METTL15: variants seen among roughly 807,000 people sequenced by gnomAD.
The protein encoded by METTL15 is methyltransferase 15, mitochondrial 12S rRNA N4-cytidine, also known as 12S rRNA N(4)-cytidine methyltransferase METTL15.
Under a neutral mutation model 38.3 loss-of-function variants are expected in METTL15, and 34 were observed. That is an observed-to-expected ratio of 0.89 (90% CI 0.68 to 1.18). The LOEUF is 1.18. Among genes scored for constraint, METTL15 ranks in the 50% most tolerant of loss-of-function variants. The pLI is 0.00. For synonymous variants in METTL15, 162 were observed against 170.9 expected, an observed-to-expected ratio of 0.95 and a Z score of 0.41; for missense variants, 438 against 498.4, an observed-to-expected ratio of 0.88 and a Z score of 1.15.
intron 4 of METTL15, among the ~76,000 whole-genome samples, chr11:28,267,280 T>C (rs1243607127): frequency 2.0e-5 from 3 of 152,092 alleles, no homozygotes; most frequent in Non-Finnish European, 4.4e-5. Flanking sequence ...GGCTTCCTTG[T>C]TCATCTCCTC....
intron 6 of METTL15, among the ~76,000 whole-genome samples, chr11:28,426,337 A>C (rs1850863749): frequency 6.6e-6 from 1 of 152,134 alleles, no homozygotes; most frequent in South Asian, 2.1e-4. Flanking sequence ...CATCCAGTCT[A>C]TCATTGATGG....
chr11:28,462,745 T>C (rs189109664), intron 6 of METTL15, among the ~76,000 whole-genome samples: 26 of 152,156 alleles, frequency 1.7e-4, no homozygotes, highest in Non-Finnish European at 3.7e-4. Context: ...ACAAAATCCC[T>C]TGATAGAGAC....
In METTL15 at chr11:28,358,588, T is replaced by C. The variant is rs1282909186; in HGVS notation, c.*259-3349T>C. ...TTGAAACCTTCCTATTGCTCTTTGC[T>C]ACCGCCTCCCCTGAACTCCCTTAAT... is the stretch of plus-strand genomic sequence containing the variant. On this transcript the variant is annotated intron_variant and NMD_transcript_variant, in intron 4 of 7. Coordinates refer to the METTL15 transcript ENST00000532947. 2.0e-5 allele frequency among the ~76,000 whole-genome samples: 3 copies of C among 152,194 alleles called. No homozygotes were observed. In the East Asian group the frequency reaches 5.8e-4, roughly 29 times the overall value.
chr11:28,320,853 C>T (rs1401254498), intron 6 of METTL15, among the ~76,000 whole-genome samples: 2 of 151,926 alleles, frequency 1.3e-5, no homozygotes, highest in Admixed American at 6.6e-5. Context: ...CAATTTTTTT[C>T]ATACTTAAGT....
intron 6 of METTL15, among the ~76,000 whole-genome samples, chr11:28,471,479 A>C (rs906004816): frequency 2.6e-5 from 4 of 152,086 alleles, no homozygotes; most frequent in African/African-American, 9.7e-5. Context: ...ATAACTCATC[A>C]TTACTCTGAG....
intron 6 of METTL15, among the ~76,000 whole-genome samples, chr11:28,433,860 A>G (rs141260490): frequency 7.9e-4 from 121 of 152,274 alleles, no homozygotes; most frequent in African/African-American, 2.8e-3. Flanking sequence ...TTCTTCTCCA[A>G]TACCACTGAG....
chr11:28,173,379 G>C (rs559490786), intron 3 of METTL15, among the ~76,000 whole-genome samples: 5 of 152,130 alleles, frequency 3.3e-5, no homozygotes, highest in African/African-American at 1.2e-4. Flanking sequence ...CAGCAAGAAG[G>C]CACCATCTGT....
intron 4 of METTL15, among the ~76,000 whole-genome samples, chr11:28,277,178 C>G (rs1004717907): frequency 1.3e-5 from 2 of 152,114 alleles, no homozygotes; most frequent in African/African-American, 4.8e-5. Flanking sequence ...AAGGAGATTT[C>G]TTCAAAAACT....
chr11:28,255,806 C>T (rs536642282), intron 4 of METTL15, among the ~76,000 whole-genome samples: 7 of 152,152 alleles, frequency 4.6e-5, no homozygotes, highest in African/African-American at 7.2e-5. Context: ...CAGGTTCAAG[C>T]GATTCTCCTG....
At chr11:28,165,623 A>C (rs558790478) in intron 3 of METTL15, among the ~76,000 whole-genome samples, 1 of 152,020 alleles carries the variant, frequency 6.6e-6, no homozygotes, top group Non-Finnish European at 1.5e-5. Flanking sequence ...CTTTACAACT[A>C]ATTATTTCCT....
At chr11:28,201,224 C>T (rs1288383339) in intron 3 of METTL15, among the ~76,000 whole-genome samples, 2 of 152,104 alleles carry the variant, frequency 1.3e-5, no homozygotes, top group African/African-American at 2.4e-5. Context: ...ACCAGCCTTA[C>T]ATCCCAGGGA....
intron 6 of METTL15, among the ~76,000 whole-genome samples, chr11:28,308,752 A>C (rs923558063): frequency 2.0e-5 from 3 of 152,028 alleles, no homozygotes; most frequent in African/African-American, 7.2e-5. Context: ...AGTTTCCCCA[A>C]ATCTCCAGGG....
At chr11:28,256,372 A>C (rs1854970886) in intron 4 of METTL15, among the ~76,000 whole-genome samples, 1 of 152,174 alleles carries the variant, frequency 6.6e-6, no homozygotes, top group South Asian at 2.1e-4. Context: ...TTATGGCTTC[A>C]ATCTCATTAC....
intron 4 of METTL15, among the ~76,000 whole-genome samples, chr11:28,232,369 A>T (rs1853722432): frequency 6.6e-6 from 1 of 151,852 alleles, no homozygotes. Context: ...CTAGAAAAAG[A>T]TGCTTAGATA....
intron 6 of METTL15, among the ~76,000 whole-genome samples, chr11:28,491,653 A>G (rs974523846): frequency 1.3e-5 from 2 of 152,100 alleles, no homozygotes; most frequent in Admixed American, 6.6e-5. Flanking sequence ...CCATGGGTAA[A>G]ACATCTCCAA....
chr11:28,265,792 C>T (rs182610110), intron 4 of METTL15, among the ~76,000 whole-genome samples: 150 of 152,282 alleles, frequency 9.9e-4, no homozygotes, highest in African/African-American at 3.3e-3. Context: ...TTGATAGATA[C>T]TGGATGTCTA....
chr11:28,482,792 G>A (rs1851406229), intron 6 of METTL15, among the ~76,000 whole-genome samples: 1 of 152,120 alleles, frequency 6.6e-6, no homozygotes, highest in Non-Finnish European at 1.5e-5. Context: ...ATGAAACCCA[G>A]GAATCTGCTG....
intron 3 of METTL15, among the ~76,000 whole-genome samples, chr11:28,338,692 T>C (rs1465161104): frequency 2.0e-5 from 3 of 152,178 alleles, no homozygotes; most frequent in Non-Finnish European, 4.4e-5. Context: ...GTTTGGAGTC[T>C]TCCTAGATTT....
intron 6 of METTL15, among the ~76,000 whole-genome samples, chr11:28,496,693 C>A (rs1348224564): frequency 2.6e-5 from 4 of 152,074 alleles, no homozygotes; most frequent in Non-Finnish European, 5.9e-5. Context: ...TAAACGAAAC[C>A]CAATAGACTC....
Sources: allele counts gnomAD v4.1 joint callset (sites outside exome capture counted in the v4.1 genomes callset), GRCh38; gene constraint gnomAD v4.1.1; transcripts MANE v1.5; gene names NCBI Gene and HGNC (gene_info 2026-07-23, HGNC 2026-07-21).